Variants in AFG2A observed in about 807,000 individuals in gnomAD.
AFG2A encodes the protein ATPase family gene 2 protein homolog A.
At chr4:123,067,182 G>T in the AFG2A span, among the ~76,000 whole-genome samples, 1 of 151,936 alleles carries the variant, frequency 6.6e-6, no homozygotes, top group Non-Finnish European at 1.5e-5. Flanking sequence ...CTTCTTTTTT[G>T]GGGTTTCTTA....
chr4:122,967,127 G>A, the AFG2A span, among the ~76,000 whole-genome samples: 24 of 152,250 alleles, frequency 1.6e-4, no homozygotes, highest in African/African-American at 5.8e-4. Context: ...AACCAGTTCG[G>A]TGCAGTGGCT....
chr4:123,130,297 G>A, the AFG2A span, among the ~76,000 whole-genome samples: 1 of 152,196 alleles, frequency 6.6e-6, no homozygotes, highest in African/African-American at 2.4e-5. Flanking sequence ...GATGACAGGC[G>A]TGAGACACGA....
the AFG2A span, among the ~76,000 whole-genome samples, chr4:123,225,314 G>C: frequency 6.6e-6 from 1 of 152,078 alleles, no homozygotes; most frequent in African/African-American, 2.4e-5. Flanking sequence ...GTGTTGCCTA[G>C]GTTTTCCTCT....
At chr4:123,265,027 T>C in the AFG2A span, among the ~76,000 whole-genome samples, 1 of 152,106 alleles carries the variant, frequency 6.6e-6, no homozygotes, top group Non-Finnish European at 1.5e-5. Flanking sequence ...CCAAAAGATA[T>C]TAATTATGGC....
At chr4:123,267,784 A>G in the AFG2A span, among the ~76,000 whole-genome samples, 2 of 150,972 alleles carry the variant, frequency 1.3e-5, no homozygotes, top group East Asian at 3.9e-4. Context: ...AAAATAGTAT[A>G]TAACTAAGTT....
At chr4:123,161,642 A>C in the AFG2A span, among the ~76,000 whole-genome samples, 1 of 152,176 alleles carries the variant, frequency 6.6e-6, no homozygotes, top group Non-Finnish European at 1.5e-5. Context: ...ATTATGGAAA[A>C]GTTTAGAATT....
At chr4:123,094,065 T>C in the AFG2A span, among the ~76,000 whole-genome samples, 4 of 152,302 alleles carry the variant, frequency 2.6e-5, no homozygotes, top group Non-Finnish European at 5.9e-5. Flanking sequence ...GACAGCTGTA[T>C]CCAGCTAGTG....
chr4:123,228,286 C>T, the AFG2A span, among the ~76,000 whole-genome samples: 1 of 151,864 alleles, frequency 6.6e-6, no homozygotes, highest in Non-Finnish European at 1.5e-5. Flanking sequence ...TTATTTTGCT[C>T]GTTAGTTGAT....
At chr4:123,065,007 G>T in the AFG2A span, among the ~76,000 whole-genome samples, 1 of 152,124 alleles carries the variant, frequency 6.6e-6, no homozygotes, top group Non-Finnish European at 1.5e-5. Flanking sequence ...TCAAGGGCAT[G>T]CATCACTAAT....
At chr4:123,050,540 T>C in the AFG2A span, among the ~76,000 whole-genome samples, 1 of 152,230 alleles carries the variant, frequency 6.6e-6, no homozygotes, top group African/African-American at 2.4e-5. Flanking sequence ...TTGACTTTTC[T>C]AAATCATTAT....
At chr4:123,288,376 A>T in the AFG2A span, among the ~76,000 whole-genome samples, 1 of 152,134 alleles carries the variant, frequency 6.6e-6, no homozygotes, top group Non-Finnish European at 1.5e-5. Context: ...AACCCCATGC[A>T]TAAATAGAAG....
the AFG2A span, among the ~76,000 whole-genome samples, chr4:123,131,103 T>TA: frequency 3.3e-5 from 5 of 152,172 alleles, no homozygotes. Flanking sequence ...TTTTACCCTT[T>TA]CAATGGGTTG....
the AFG2A span, among the ~76,000 whole-genome samples, chr4:123,273,112 G>C: frequency 3.3e-5 from 5 of 152,130 alleles, no homozygotes; most frequent in South Asian, 2.1e-4. Flanking sequence ...TTCTTAGGTA[G>C]AGGGCTAGAA....
the AFG2A span, among the ~76,000 whole-genome samples, chr4:123,170,503 A>T: frequency 2.6e-5 from 4 of 152,204 alleles, no homozygotes; most frequent in African/African-American, 9.7e-5. Flanking sequence ...CCTGGTTGTC[A>T]GATTCTGTCT....
At chr4:122,984,965 T>C in the AFG2A span, among the ~76,000 whole-genome samples, 1 of 152,128 alleles carries the variant, frequency 6.6e-6, no homozygotes, top group Non-Finnish European at 1.5e-5. Context: ...TGATGCTGGC[T>C]TCATAAAATG....
chr4:123,288,909 G>A, the AFG2A span, among the ~76,000 whole-genome samples: 1 of 152,112 alleles, frequency 6.6e-6, no homozygotes, highest in East Asian at 1.9e-4. Context: ...TTGCTAATCA[G>A]GCCTCATTGG....
the AFG2A span, among the ~76,000 whole-genome samples, chr4:123,007,608 GTATA>G: frequency 1.3e-3 from 24 of 18,156 alleles, no homozygotes; most frequent in East Asian, 2.6e-3. Context: ...GTGTGTGTGT[GTATA>G]TATATATATA....
At chr4:123,199,716 C>T in the AFG2A span, among the ~76,000 whole-genome samples, 6 of 152,072 alleles carry the variant, frequency 3.9e-5, no homozygotes, top group Admixed American at 6.5e-5. Flanking sequence ...GTGGTCTGCC[C>T]GCCTCAGGCT....
chr4:123,298,071 CAGTGTG>C, the AFG2A span, among the ~76,000 whole-genome samples: 4 of 150,822 alleles, frequency 2.7e-5, no homozygotes, highest in Non-Finnish European at 4.4e-5. Flanking sequence ...TCTGTTGTCA[CAGTGTG>C]AAAACACACA....
Sources: allele counts gnomAD v4.1 joint callset (sites outside exome capture counted in the v4.1 genomes callset), GRCh38; gene constraint gnomAD v4.1.1; transcripts MANE v1.5; gene names NCBI Gene and HGNC (gene_info 2026-07-23, HGNC 2026-07-21).